The following ACADVL variants were observed in gnomAD, a reference collection of about 807,000 sequenced individuals.
ACADVL encodes the protein very long-chain acyl-CoA dehydrogenase, mitochondrial.
ACADVL carries 73 observed loss-of-function variants against 80.4 expected under a neutral mutation model. The observed-to-expected ratio is 0.91, with a 90% CI of 0.75 to 1.10. The LOEUF is 1.10. ACADVL is among the 50% of genes least tolerant of loss of function. The pLI is 0.00. For synonymous variants in ACADVL, 392 were observed against 326.5 expected, an observed-to-expected ratio of 1.20 and a Z score of -2.16; for missense variants, 878 against 858.9, an observed-to-expected ratio of 1.02 and a Z score of -0.28.
Position 7,221,965 on chromosome 17 carries a change from C to T in ACADVL, c.636C>T (p.Ala212=), listed in dbSNP as rs76547988. The T allele has an allele frequency of 1.1e-3, 1,729 of 1,614,088 alleles. 16 individuals carry two copies. The African/African-American group carries it at 0.018, about 17-fold the overall frequency. Residue 212 remains alanine, a synonymous_variant, in exon 8 of 20, where the codon GCC becomes GCT. Coordinates refer to ENST00000356839, the MANE Select transcript of ACADVL (RefSeq NM_000018.4). ...TCTCCCCAACAGGGGAGACTGTGGCCGCTTTCTGTCTAACCGAGCCCTCAA... is the reference window on the plus strand; with the variant it reads ...TCTCCCCAACAGGGGAGACTGTGGCTGCTTTCTGTCTAACCGAGCCCTCAA... The part of the protein sequence containing the change: ...LPKLASGETV[A]AFCLTEPSSG...
At chr17:7,219,926 G>GTGCAGGACGCGGGCC (rs756798696), upstream of ACADVL, 41 of 1,572,928 alleles carry the variant, frequency 2.6e-5, no homozygotes, top group Non-Finnish European at 3.3e-5. Context: ...GGACGTGGGC[G>GTGCAGGACGCGGGCC]TGCAGGACGC....
chr17:7,218,366 T>C (rs561902948), upstream of ACADVL: 11 of 1,490,906 alleles, frequency 7.4e-6, no homozygotes, highest in Non-Finnish European at 9.2e-6. Flanking sequence ...GCTGGCTGGC[T>C]GGCAAGGGAG....
At chr17:7,221,121 T>G in intron 6 of ACADVL, 63 bp downstream of exon 6, 1 of 1,610,074 alleles carries the variant, frequency 6.2e-7, no homozygotes, top group East Asian at 2.2e-5. Flanking sequence ...CTCAGCTCTT[T>G]TGCCATAGAC....
intron 11 of ACADVL, 168 bp from the exon 12 acceptor site, chr17:7,223,475 CT>C: frequency 1.1e-6 from 1 of 878,066 alleles, no homozygotes; most frequent in East Asian, 2.4e-5. Context: ...ACATCCACCC[CT>C]TTTAAGAAAA....
In ACADVL at chr17:7,222,286, T is replaced by A. The variant is rs1209359519; in HGVS notation, c.862T>A (p.Phe288Ile). The A allele has an allele frequency of 1.2e-6, 2 of 1,613,830 alleles. No homozygotes were observed. Among genetic ancestry groups the A allele is most frequent in the African/African-American group, 2.7e-5 (2 of 74,870 alleles). Residue 288 changes from phenylalanine to isoleucine, a missense_variant, in exon 9 of 20, where the codon TTC becomes ATC. By Grantham distance (21) the Phe-to-Ile change is conservative. Coordinates refer to ENST00000356839, the MANE Select transcript of ACADVL (RefSeq NM_000018.4). ...CACAGCTTTTGTGGTGGAGAGGGGC[T>A]TCGGGGGCATTACCCAGTGAGTGAA... ...KITAFVVERG[F>I]GGITHGPPEK...
rs2071151518 is a variant in ACADVL at position 7,220,549 on chromosome 17, G to A, written c.204+20G>A. 2 of 1,614,240 alleles carry A rather than the reference G, an allele frequency of 1.2e-6. No individual in the cohort carries two copies. The highest frequency in any genetic ancestry group is 4.5e-5 in the East Asian group (2 of 44,872). On this transcript the variant is annotated intron_variant, in intron 3 of 19. Coordinates refer to ENST00000356839, the MANE Select transcript of ACADVL (RefSeq NM_000018.4). Reference sequence around the variant, plus strand: ...AAGGCGGTAGGTAGCCCCGAGGCCAGGTGGACCTTAGCCAGACCCAACCAG... The same window carrying A: ...AAGGCGGTAGGTAGCCCCGAGGCCAAGTGGACCTTAGCCAGACCCAACCAG...
chr17:7,220,318 G>A (rs1567560331), intron 2 of ACADVL, 121 bp downstream of exon 2: 1 of 1,517,084 alleles, frequency 6.6e-7, no homozygotes, highest in Non-Finnish European at 8.9e-7. Flanking sequence ...GCCGAAAGTA[G>A]GGGAAAGGGC....
At position 7,222,752 on chromosome 17, in the gene ACADVL, G is replaced by A. The variant is rs1257648581; in HGVS notation, c.964G>A (p.Val322Met). ...FDGVRVPSEN[V>M]LGEVGSGFKV... The stretch of plus-strand genomic sequence containing the variant: ...TGGAGTACGGGTGCCATCGGAGAAC[G>A]TGCTGGGTGAGGTTGGGAGTGGCTT... The change falls in exon 10 of 20, where the codon GTG (valine) becomes ATG (methionine). Residue 322 changes from valine (V) to methionine (M), a missense_variant. Physicochemically the swap from Val to Met is conservative, Grantham distance 21. Transcript: ENST00000356839. 6.8e-6 allele frequency: 11 copies of A among 1,614,120 alleles called. No individual in the cohort carries two copies. The highest frequency in any genetic ancestry group is 3.3e-5 in the Admixed American group (2 of 60,010).
upstream of ACADVL, chr17:7,219,236 C>A: frequency 2.8e-6 from 1 of 356,472 alleles, no homozygotes; most frequent in Non-Finnish European, 4.4e-6. Context: ...TGGGGTTTTA[C>A]GGGTAAGAGG....
chr17:7,218,774 C>T, upstream of ACADVL: 4 of 1,606,458 alleles, frequency 2.5e-6, no homozygotes, highest in Non-Finnish European at 3.4e-6. Context: ...GATCTCCGAG[C>T]CCCAGCCCCC....
At chr17:7,217,596 G>C (rs1298433830), upstream of ACADVL, 15 of 1,402,084 alleles carry the variant, frequency 1.1e-5, no homozygotes, top group African/African-American at 4.6e-5. Flanking sequence ...CGAGGGAGCC[G>C]TGGAGCCGAA....
intron 8 of ACADVL, 25 bp from the exon 9 acceptor site, chr17:7,222,152 C>T: frequency 6.2e-7 from 1 of 1,614,184 alleles, no homozygotes; most frequent in Non-Finnish European, 8.5e-7. Context: ...GTCCTCCACG[C>T]CCTGAATATC....
chr17:7,221,706 G>C, intron 7 of ACADVL, 24 bp downstream of exon 7: 2 of 1,613,410 alleles, frequency 1.2e-6, no homozygotes, highest in Non-Finnish European at 1.7e-6. Flanking sequence ...AGGAGAGCCA[G>C]GGATTGGGGG....
chr17:7,222,492 T>C (rs950463008), intron 9 of ACADVL, 175 bp from the exon 10 acceptor site: 1 of 1,145,706 alleles, frequency 8.7e-7, no homozygotes, highest in Non-Finnish European at 1.2e-6. Context: ...CAACACAAAA[T>C]AGGACATAGC....
chr17:7,221,347 A>G lies in ACADVL; in HGVS notation c.478-191A>G. On this transcript the variant is annotated intron_variant, in intron 6 of 19. Transcript: ENST00000356839. ...TCACCCTCCTACCTAGACCTAAGACAGACCAGCATTCTCTGCTGTGCCCTT... is the reference window on the plus strand; with the variant it reads ...TCACCCTCCTACCTAGACCTAAGACGGACCAGCATTCTCTGCTGTGCCCTT... 3.8e-6 allele frequency: 4 copies of G among 1,061,350 alleles called. No homozygotes were observed. In the East Asian group the frequency reaches 9.9e-5, roughly 26 times the overall value. 65.7% of individuals were successfully genotyped at this position (1,061,350 alleles called of 1,614,324 possible). A position where few individuals can be genotyped will look rare whatever the true frequency, so the allele number is the denominator to read the frequency against.
upstream of ACADVL, chr17:7,218,180 G>C: frequency 6.9e-7 from 1 of 1,442,328 alleles, no homozygotes. Context: ...GTGATATTTG[G>C]CTCACCCCTC....
chr17:7,223,816 G>A lies in ACADVL; in HGVS notation c.1273G>A (p.Ala425Thr), dbSNP rs138834083. Residue 425 changes from alanine to threonine, a missense_variant, in exon 13 of 20, where the codon GCA becomes ACA. Ala to Thr is a moderately conservative substitution (Grantham distance 58). Coordinates refer to ENST00000356839, the MANE Select transcript of ACADVL (RefSeq NM_000018.4). ...CTCATCTGTTCTTTGTCCCTAGGAG[G>A]CAGCCTGGAAGGTGACAGATGAATG... ...AAISKIFGSE[A>T]AWKVTDECIQ... 1.8e-5 allele frequency: 29 copies of A among 1,614,022 alleles called. No homozygotes were observed. The African/African-American group carries it at 3.5e-4, about 19-fold the overall frequency.
chr17:7,222,079 C>G lies in ACADVL; in HGVS notation c.750C>G (p.Ile250Met). The G allele has an allele frequency of 6.2e-7, 1 of 1,614,142 alleles. No homozygotes were observed. The highest frequency in any genetic ancestry group is 8.5e-7 in the Non-Finnish European group (1 of 1,180,020). The change falls in exon 8 of 20, where the codon ATC (isoleucine) becomes ATG (methionine). Residue 250 changes from isoleucine (I) to methionine (M), a missense_variant and splice_region_variant. Physicochemically the swap from Ile to Met is conservative, Grantham distance 10 (BLOSUM62 1). Transcript: ENST00000356839. Reference protein sequence around the residue: ...YYTLNGSKLWISNGGLADIFT... With the variant: ...YYTLNGSKLWMSNGGLADIFT... Reference sequence around the variant, plus strand: ...CCCTCAATGGAAGCAAGCTTTGGATCAGGCAACCTGCCTCCCATTTCTCCC... The same window carrying G: ...CCCTCAATGGAAGCAAGCTTTGGATGAGGCAACCTGCCTCCCATTTCTCCC...
intron 10 of ACADVL, 71 bp from the exon 11 acceptor site, chr17:7,223,062 G>A (rs1350314365): frequency 6.6e-7 from 1 of 1,524,282 alleles, no homozygotes; most frequent in Non-Finnish European, 9.1e-7. Flanking sequence ...TCTGGCGCAA[G>A]CCCAGCCCCT....
Sources: gnomAD v4.1 joint callset for allele counts on GRCh38, gnomAD v4.1.1 for gene constraint, MANE v1.5 for transcripts, NCBI Gene and HGNC (gene_info 2026-07-23, HGNC 2026-07-21) for gene names.